NUMB: variants seen among roughly 807,000 people sequenced by gnomAD.
NUMB encodes NUMB endocytic adaptor protein.
NUMB carries 29 observed loss-of-function variants against 59.7 expected under a neutral mutation model. That is an observed-to-expected ratio of 0.49 (90% CI 0.36 to 0.66). NUMB has a LOEUF of 0.66. Ranked by LOEUF, NUMB falls within the 30% of genes least tolerant of loss-of-function variation. NUMB has a pLI of 0.00. For synonymous variants in NUMB, 288 were observed against 288.2 expected, an observed-to-expected ratio of 1.00 and a Z score of 0.01; for missense variants, 723 against 822.0, an observed-to-expected ratio of 0.88 and a Z score of 1.47.
intron 1 of NUMB, among the ~76,000 whole-genome samples, chr14:73,439,717 GTCT>G (rs1180277214): frequency 6.6e-6 from 1 of 152,128 alleles, no homozygotes; most frequent in African/African-American, 2.4e-5. Flanking sequence ...CAAAAGAAGA[GTCT>G]TCTTAAGATA....
At chr14:73,328,106 C>T (rs1891761660) in intron 4 of NUMB, among the ~76,000 whole-genome samples, 10 of 152,108 alleles carry the variant, frequency 6.6e-5, no homozygotes, top group Admixed American at 6.5e-4. Flanking sequence ...GAAACCCCAT[C>T]TCTACTAAAA....
chr14:73,369,172 G>A (rs1894539280), intron 2 of NUMB, among the ~76,000 whole-genome samples: 1 of 151,852 alleles, frequency 6.6e-6, no homozygotes, highest in African/African-American at 2.4e-5. Context: ...CTCCTGAGTA[G>A]CTGGGATTAC....
intron 1 of NUMB, among the ~76,000 whole-genome samples, chr14:73,444,066 C>T (rs1034289169): frequency 6.6e-6 from 1 of 152,108 alleles, no homozygotes; most frequent in Admixed American, 6.6e-5. Flanking sequence ...CACCACCTTG[C>T]CCGGGCCGAG....
intron 4 of NUMB, among the ~76,000 whole-genome samples, chr14:73,333,630 G>A (rs1892117429): frequency 6.6e-6 from 1 of 151,986 alleles, no homozygotes; most frequent in African/African-American, 2.4e-5. Flanking sequence ...CTGGACACTA[G>A]ATCCTTATCA....
At chr14:73,426,466 G>A (rs536333082) in intron 1 of NUMB, among the ~76,000 whole-genome samples, 1 of 152,092 alleles carries the variant, frequency 6.6e-6, no homozygotes, top group Non-Finnish European at 1.5e-5. Flanking sequence ...CAGCAATTTG[G>A]GAGGCCAAGG....
chr14:73,361,841 C>T (rs1301489079), intron 3 of NUMB, among the ~76,000 whole-genome samples: 1 of 152,110 alleles, frequency 6.6e-6, no homozygotes, highest in Non-Finnish European at 1.5e-5. Context: ...AGAAAAGGGG[C>T]ATTTCAAACA....
At chr14:73,385,539 T>C (rs1036428851) in intron 2 of NUMB, among the ~76,000 whole-genome samples, 2 of 141,460 alleles carry the variant, frequency 1.4e-5, no homozygotes, top group Admixed American at 1.5e-4. Context: ...TCTTGCTCTG[T>C]AGCCCAGGCT....
rs1888082478 is a variant in NUMB at position 73,275,329 on chromosome 14, GCT to G, written c.*1247_*1248del. The G allele has an allele frequency of 6.6e-6, 1 of 152,462 alleles. No individual in the cohort carries two copies. 9.4% of individuals were successfully genotyped at this position (152,462 alleles called of 1,614,324 possible). On this transcript the variant is annotated 3_prime_UTR_variant, in exon 13 of 13. Transcript: ENST00000555238. ...ACGTTCAAAAGTAAAAATGAGATGAGCTCTCTTATTGTTATCCGAGGTCAAGA... is the reference window on the plus strand; with the variant it reads ...ACGTTCAAAAGTAAAAATGAGATGAGCTCTTATTGTTATCCGAGGTCAAGA...
chr14:73,404,945 G>C (rs1321360708), intron 2 of NUMB, among the ~76,000 whole-genome samples: 1 of 152,032 alleles, frequency 6.6e-6, no homozygotes, highest in Non-Finnish European at 1.5e-5. Flanking sequence ...ATTTTCAGTA[G>C]AGACAGGGTT....
intron 1 of NUMB, among the ~76,000 whole-genome samples, chr14:73,427,301 G>GA (rs1566792495): frequency 6.6e-6 from 1 of 151,694 alleles, no homozygotes; most frequent in Non-Finnish European, 1.5e-5. Flanking sequence ...GTGAAATTTT[G>GA]TAAAAATACA....
intron 2 of NUMB, among the ~76,000 whole-genome samples, chr14:73,387,722 T>G (rs573388961): frequency 4.5e-5 from 6 of 132,730 alleles, no homozygotes; most frequent in South Asian, 2.3e-4. Flanking sequence ...TACAGAGCAA[T>G]ACCCAATCTC....
At chr14:73,451,470 C>T (rs566862015) in intron 1 of NUMB, among the ~76,000 whole-genome samples, 20 of 148,864 alleles carry the variant, frequency 1.3e-4, no homozygotes, top group Admixed American at 1.0e-3. Context: ...CAAAAATTAG[C>T]CAGGCATAGT....
intron 7 of NUMB, 93 bp from the exon 8 acceptor site, chr14:73,292,967 T>C (rs1434536455): frequency 2.5e-5 from 30 of 1,215,986 alleles, no homozygotes; most frequent in Non-Finnish European, 3.5e-5. Flanking sequence ...GCACAATCCA[T>C]ACATCTGATA....
intron 6 of NUMB, among the ~76,000 whole-genome samples, chr14:73,314,662 A>C (rs1429812905): frequency 3.3e-5 from 5 of 152,010 alleles, no homozygotes; most frequent in Non-Finnish European, 5.9e-5. Flanking sequence ...CTTTCTAAAA[A>C]CCAAATCAAT....
chr14:73,399,627 T>C (rs774528189), intron 2 of NUMB, among the ~76,000 whole-genome samples: 2 of 152,108 alleles, frequency 1.3e-5, no homozygotes. Context: ...CTGACATCTG[T>C]AATTCCAACA....
intron 2 of NUMB, among the ~76,000 whole-genome samples, chr14:73,395,707 CAT>C (rs2140106655): frequency 6.7e-6 from 1 of 148,186 alleles, no homozygotes; most frequent in African/African-American, 2.5e-5. Flanking sequence ...AGGAATGAAA[CAT>C]AGGTTAATCA....
intron 4 of NUMB, among the ~76,000 whole-genome samples, chr14:73,339,115 T>C (rs1412246171): frequency 6.6e-6 from 1 of 152,214 alleles, no homozygotes; most frequent in Admixed American, 6.5e-5. Context: ...GTTAGGGCCA[T>C]TTACGTACTG....
rs567785399 is a variant in NUMB, at chr14:73,366,448, T to C, written c.-16+449A>G. ...ACTGGTTGCTAGGAGATGATAATAC[T>C]AATCACTGCCATTCACTGAATGCTT... On this transcript the variant is annotated intron_variant, in intron 3 of 12. Coordinates refer to ENST00000555238, the MANE Select transcript of NUMB (RefSeq NM_001005743.2). 1.2e-4 allele frequency among the ~76,000 whole-genome samples: 19 copies of C among 152,364 alleles called. No individual in the cohort carries two copies. In the South Asian group the frequency reaches 1.9e-3, roughly 15 times the overall value.
intron 2 of NUMB, among the ~76,000 whole-genome samples, chr14:73,371,089 T>C (rs1479617594): frequency 6.6e-6 from 1 of 151,948 alleles, no homozygotes; most frequent in Non-Finnish European, 1.5e-5. Context: ...ATCAGGTCCA[T>C]CTCATACATT....
Sources: allele counts gnomAD v4.1 joint callset (sites outside exome capture counted in the v4.1 genomes callset), GRCh38; gene constraint gnomAD v4.1.1; transcripts MANE v1.5; gene names NCBI Gene and HGNC (gene_info 2026-07-23, HGNC 2026-07-21).